The following ACSBG1 variants were observed in gnomAD, a reference collection of about 807,000 sequenced individuals.
ACSBG1 encodes long-chain-fatty-acid--CoA ligase ACSBG1.
ACSBG1 carries 39 observed loss-of-function variants against 80.2 expected under a neutral mutation model. The observed-to-expected ratio is 0.49, with a 90% CI of 0.38 to 0.64. ACSBG1 has a LOEUF of 0.64. ACSBG1 is among the 30% of genes least tolerant of loss of function. The pLI, the probability that ACSBG1 is intolerant of heterozygous loss-of-function variation, is 0.00. For synonymous variants in ACSBG1, 392 were observed against 379.5 expected, an observed-to-expected ratio of 1.03 and a Z score of -0.38; for missense variants, 828 against 966.4, an observed-to-expected ratio of 0.86 and a Z score of 1.90.
At chr15:78,227,548 T>C (rs1185073222) in intron 1 of ACSBG1, among the ~76,000 whole-genome samples, 1 of 152,064 alleles carries the variant, frequency 6.6e-6, no homozygotes, top group Non-Finnish European at 1.5e-5. Flanking sequence ...AGAGTAACAA[T>C]ACCCACTGTT....
chr15:78,222,732 C>T (rs1353025546), intron 1 of ACSBG1, among the ~76,000 whole-genome samples: 1 of 151,972 alleles, frequency 6.6e-6, no homozygotes, highest in Non-Finnish European at 1.5e-5. Context: ...GGACATATTA[C>T]ATAAAAGGAA....
chr15:78,212,712 C>A, intron 1 of ACSBG1: 1 of 409,052 alleles, frequency 2.4e-6, no homozygotes, highest in Non-Finnish European at 5.0e-6. Context: ...AGAGGCCCGG[C>A]TCCACCGGAC....
Sources: gnomAD v4.1 joint callset for allele counts (sites outside exome capture counted in the v4.1 genomes callset) on GRCh38, gnomAD v4.1.1 for gene constraint, MANE v1.5 for transcripts, NCBI Gene and HGNC (gene_info 2026-07-23, HGNC 2026-07-21) for gene names.